Variants in LOXHD1 observed in about 807,000 individuals in gnomAD.
The protein encoded by LOXHD1 is lipoxygenase homology PLAT domains 1, also known as lipoxygenase homology domain-containing protein 1.
A neutral mutation model predicts 248.2 loss-of-function variants in LOXHD1; 205 were observed. The ratio of observed to expected loss-of-function variants is 0.83; its 90% confidence interval spans 0.74 to 0.93. LOXHD1 has a LOEUF of 0.93. LOXHD1 is among the 40% of genes least tolerant of loss of function. The pLI is 0.00. For missense variants in LOXHD1, 2,930 were observed against 2,971.6 expected, an observed-to-expected ratio of 0.99 and a Z score of 0.33; for synonymous variants, 1,113 against 1,162.8, an observed-to-expected ratio of 0.96 and a Z score of 0.87.
chr18:46,603,182 T>C (rs1239092194), intron 7 of LOXHD1, among the ~76,000 whole-genome samples: 1 of 151,972 alleles, frequency 6.6e-6, no homozygotes, highest in Non-Finnish European at 1.5e-5. Context: ...AGGAAGTGAC[T>C]GGAAACAGGA....
intron 12 of LOXHD1, among the ~76,000 whole-genome samples, chr18:46,582,193 C>T (rs2037977197): frequency 6.6e-6 from 1 of 151,976 alleles, no homozygotes; most frequent in Non-Finnish European, 1.5e-5. Flanking sequence ...CATATTACTG[C>T]ATAAAGCAGT....
chr18:46,556,268 AT>A (rs2037326466), intron 21 of LOXHD1, among the ~76,000 whole-genome samples: 1 of 152,030 alleles, frequency 6.6e-6, no homozygotes, highest in African/African-American at 2.4e-5. Context: ...ATGTTTGCTG[AT>A]CCCTGGTATA....
At chr18:46,627,918 ACT>A (rs2038766091) in intron 4 of LOXHD1, among the ~76,000 whole-genome samples, 1 of 151,224 alleles carries the variant, frequency 6.6e-6, no homozygotes, top group African/African-American at 2.4e-5. Context: ...TACTGGCTTG[ACT>A]CTCTCCCGTC....
intron 8 of LOXHD1, among the ~76,000 whole-genome samples, chr18:46,596,232 GT>G (rs1167999697): frequency 6.6e-6 from 1 of 151,968 alleles, no homozygotes; most frequent in Non-Finnish European, 1.5e-5. Context: ...CCAGAACTAG[GT>G]AGCCTGAAAA....
chr18:46,579,917 C>T lies in LOXHD1; in HGVS notation c.1655-133G>A. 2.8e-6 allele frequency: 3 copies of T among 1,069,566 alleles called. No homozygotes were observed. In the South Asian group the frequency reaches 5.0e-5, roughly 18 times the overall value. 66.3% of individuals were successfully genotyped at this position (1,069,566 alleles called of 1,614,324 possible). On this transcript the variant is annotated intron_variant, in intron 12 of 40. Transcript: ENST00000642948. ...ATCTGGGCTGACCTTCCCCCTTCCT[C>T]CCAACTATCTAAATCCTACCACACA...
Position 46,553,443 on chromosome 18 carries a change from AG to A in LOXHD1, c.3350+3912del, listed in dbSNP as rs910226594. Among the ~76,000 whole-genome samples the A allele has an allele frequency of 5.8e-4, 88 of 152,248 alleles. 3 individuals carry two copies. The highest frequency in any genetic ancestry group is 5.9e-5 in the Non-Finnish European group (4 of 68,054). On this transcript the variant is annotated intron_variant, in intron 21 of 40. Coordinates refer to ENST00000642948, the MANE Select transcript of LOXHD1 (RefSeq NM_001384474.1). ...TAAATCATCAGCCTCCTAGACCATC[AG>A]GGTTCCTTTCTTCAAAAACAGAGTC...
chr18:46,591,579 T>C (rs2038168914), intron 12 of LOXHD1, among the ~76,000 whole-genome samples: 1 of 152,210 alleles, frequency 6.6e-6, no homozygotes, highest in African/African-American at 2.4e-5. Flanking sequence ...AGCTTTTCTT[T>C]TGGGGAACAT....
intron 2 of LOXHD1, among the ~76,000 whole-genome samples, chr18:46,646,797 C>CT (rs1281327900): frequency 6.6e-6 from 1 of 152,240 alleles, no homozygotes; most frequent in African/African-American, 2.4e-5. Context: ...GTGTCTGTCC[C>CT]TTTAAAGTCT....
At chr18:46,548,888 T>C (rs4133965) in intron 21 of LOXHD1, among the ~76,000 whole-genome samples, 94,937 of 152,050 alleles carry the variant, frequency 0.62, 30,308 homozygotes, top group Non-Finnish European at 0.71. Flanking sequence ...TCCATTGTCC[T>C]TGAGATACTT....
intron 26 of LOXHD1, among the ~76,000 whole-genome samples, chr18:46,535,323 G>A (rs2036259624): frequency 6.6e-6 from 1 of 151,972 alleles, no homozygotes; most frequent in Non-Finnish European, 1.5e-5. Context: ...AAATGGGTAC[G>A]ATAAAATCAG....
chr18:46,527,135 GAA>G (rs201869533), intron 29 of LOXHD1, among the ~76,000 whole-genome samples: 3 of 135,128 alleles, frequency 2.2e-5, no homozygotes, highest in East Asian at 2.1e-4. Flanking sequence ...TGAGAGAGAG[GAA>G]AAAAAAAAAA....
At position 46,621,350 on chromosome 18, in the gene LOXHD1, T is replaced by C. The variant is rs2038666030; in HGVS notation, c.512-3060A>G. Among the ~76,000 whole-genome samples, 5 of 152,214 alleles carry C rather than the reference T, an allele frequency of 3.3e-5. 1 individual carries two copies. In the South Asian group the frequency reaches 1.0e-3, roughly 32 times the overall value. ...TTACATTACTCTTTTACCTCCTTTATTTCATATTCCCTCTTCAAGCAGAAC... is the reference window on the plus strand; with the variant it reads ...TTACATTACTCTTTTACCTCCTTTACTTCATATTCCCTCTTCAAGCAGAAC... On this transcript the variant is annotated intron_variant, in intron 4 of 40. Coordinates refer to ENST00000642948, the MANE Select transcript of LOXHD1 (RefSeq NM_001384474.1).
intron 7 of LOXHD1, among the ~76,000 whole-genome samples, chr18:46,603,040 T>C (rs147899819): frequency 6.6e-6 from 1 of 152,260 alleles, no homozygotes; most frequent in African/African-American, 2.4e-5. Flanking sequence ...CAGCCCGCAA[T>C]GCTGAGGTTG....
chr18:46,587,516 C>G (rs2038084121), intron 12 of LOXHD1, among the ~76,000 whole-genome samples: 1 of 152,198 alleles, frequency 6.6e-6, no homozygotes, highest in Admixed American at 6.5e-5. Flanking sequence ...TCTCTAGGAG[C>G]CCCTCTGAAA....
At chr18:46,562,536 A>C (rs2037551021) in intron 18 of LOXHD1, among the ~76,000 whole-genome samples, 1 of 152,220 alleles carries the variant, frequency 6.6e-6, no homozygotes, top group African/African-American at 2.4e-5. Flanking sequence ...GATACTCAGG[A>C]AACAGCCATA....
chr18:46,495,937 C>A (rs947989486), intron 37 of LOXHD1, among the ~76,000 whole-genome samples: 1 of 152,122 alleles, frequency 6.6e-6, no homozygotes, highest in East Asian at 1.9e-4. Flanking sequence ...GAGGCTAAGG[C>A]AGGAGAATCG....
chr18:46,482,228 C>T (rs747955322), intron 40 of LOXHD1, among the ~76,000 whole-genome samples: 6 of 152,208 alleles, frequency 3.9e-5, no homozygotes, highest in Non-Finnish European at 8.8e-5. Context: ...AGAGTTGTAT[C>T]TCCCCAAATT....
At chr18:46,487,753 G>C (rs180816412) in intron 38 of LOXHD1, among the ~76,000 whole-genome samples, 105 of 152,324 alleles carry the variant, frequency 6.9e-4, no homozygotes, top group Admixed American at 9.8e-4. Context: ...AAACAAAGTT[G>C]ATACATGGGA....
chr18:46,577,103 C>G (rs890981957), intron 14 of LOXHD1, among the ~76,000 whole-genome samples: 4 of 152,160 alleles, frequency 2.6e-5, no homozygotes, highest in Non-Finnish European at 5.9e-5. Context: ...CAGTGTGAAT[C>G]CTCCAGACAT....
Sources: allele counts gnomAD v4.1 joint callset (sites outside exome capture counted in the v4.1 genomes callset), GRCh38; gene constraint gnomAD v4.1.1; transcripts MANE v1.5; gene names NCBI Gene and HGNC (gene_info 2026-07-23, HGNC 2026-07-21).